The following ANKRD11 variants were observed in gnomAD, a reference collection of about 807,000 sequenced individuals.
ANKRD11 encodes the protein ankyrin repeat domain-containing protein 11.
In ANKRD11, 17 loss-of-function variants were observed where a neutral mutation model predicts 195.7. The observed-to-expected ratio is 0.09, with a 90% CI of 0.06 to 0.13. The LOEUF (loss-of-function observed/expected upper bound fraction) is 0.13, where lower values mean the gene tolerates loss of function less well. Ranked by LOEUF, ANKRD11 falls within the 10% of genes least tolerant of loss-of-function variation. ANKRD11 has a pLI of 1.00. For missense variants in ANKRD11, 3,735 were observed against 3,566.1 expected (o/e 1.05, Z -1.21); for synonymous variants, 1,953 against 1,528.1 (o/e 1.28, Z -6.49).
rs1437102196 is a variant in ANKRD11, at chr16:89,390,079, C to T, written c.-60+28205G>A. ...TCACTGGGGCGAACACCGAGTGTGG[C>T]GGGGAGCACAGACAGAGAAGATCAC... On this transcript the variant is annotated intron_variant, in intron 2 of 12. Transcript: ENST00000301030. Among the ~76,000 whole-genome samples the T allele has an allele frequency of 5.2e-5, 3 of 57,230 alleles. 1 individual carries two copies. The highest frequency in any genetic ancestry group is 4.3e-4 in the African/African-American group (3 of 6,944). The allele number at this position is 57,230 out of a possible 152,430, so 37.5% of individuals were successfully genotyped here.
At chr16:89,396,938 C>T (rs1426550634) in intron 2 of ANKRD11, among the ~76,000 whole-genome samples, 8 of 127,634 alleles carry the variant, frequency 6.3e-5, no homozygotes, top group South Asian at 2.6e-4. Context: ...CCAGCTGCCT[C>T]GGTTTCCCAG....
intron 1 of ANKRD11, among the ~76,000 whole-genome samples, chr16:89,454,821 AGGGTTCCTCAAGCTGCTCCCCTGGGTGT>A: frequency 1.4e-5 from 1 of 72,796 alleles, no homozygotes; most frequent in Non-Finnish European, 2.8e-5. Flanking sequence ...GGGTGCTTCC[AGGGTTCCTCAAGCTGCTCCCCTGGGTGT>A]TTCTAGGGTT....
chr16:89,415,058 C>A (rs138376304), intron 2 of ANKRD11, among the ~76,000 whole-genome samples: 4 of 151,890 alleles, frequency 2.6e-5, no homozygotes, highest in African/African-American at 9.7e-5. Flanking sequence ...GATCCTTCCT[C>A]CCCGCTCAGC....
At chr16:89,340,317 G>A (rs894870846) in intron 2 of ANKRD11, among the ~76,000 whole-genome samples, 3 of 152,184 alleles carry the variant, frequency 2.0e-5, no homozygotes, top group African/African-American at 4.8e-5. Context: ...TCGCTCTGTC[G>A]CCCAGGCTGA....
In ANKRD11 at chr16:89,441,767, C is replaced by CAAAAAAAAAAAAA. The variant is rs57747159; in HGVS notation, c.-144-23412_-144-23400dup. On this transcript the variant is annotated intron_variant, in intron 1 of 12. Transcript: ENST00000301030. The stretch of plus-strand genomic sequence containing the variant: ...GGGCAACAGAGCGAGACTCCGCCTA[C>CAAAAAAAAAAAAA]AAAAAAAAAAAAAAAAAAAAAAAAA... Among the ~76,000 whole-genome samples, 112 of 52,340 alleles carry CAAAAAAAAAAAAA rather than the reference C, an allele frequency of 2.1e-3. 4 individuals carry two copies. Among genetic ancestry groups the CAAAAAAAAAAAAA allele is most frequent in the Non-Finnish European group, 2.9e-3 (89 of 31,042 alleles). 34.3% of individuals were successfully genotyped at this position (52,340 alleles called of 152,430 possible).
intron 1 of ANKRD11, among the ~76,000 whole-genome samples, chr16:89,463,708 G>C (rs1403524749): frequency 6.6e-6 from 1 of 151,064 alleles, no homozygotes; most frequent in Non-Finnish European, 1.5e-5. Flanking sequence ...CCTCACACTG[G>C]ATAAGTGTTT....
intron 3 of ANKRD11, among the ~76,000 whole-genome samples, chr16:89,315,812 G>C (rs1452500943): frequency 1.3e-5 from 2 of 152,212 alleles, no homozygotes; most frequent in African/African-American, 4.8e-5. Flanking sequence ...TTGCTGCTGA[G>C]GGGAAGGCCG....
At chr16:89,441,627 TG>T (rs2043486372) in intron 1 of ANKRD11, among the ~76,000 whole-genome samples, 1 of 150,034 alleles carries the variant, frequency 6.7e-6, no homozygotes, top group African/African-American at 2.5e-5. Flanking sequence ...ATTAGCTGGG[TG>T]TGGTGGTGGG....
chr16:89,421,775 G>A (rs919041463), intron 1 of ANKRD11, among the ~76,000 whole-genome samples: 1 of 150,016 alleles, frequency 6.7e-6, no homozygotes, highest in African/African-American at 2.5e-5. Flanking sequence ...ACCATCACCC[G>A]TCCATGTCTG....
chr16:89,310,861 G>C (rs1427414717), intron 3 of ANKRD11, among the ~76,000 whole-genome samples: 1 of 152,222 alleles, frequency 6.6e-6, no homozygotes. Context: ...CAATGTCTGT[G>C]AATAAAGACA....
chr16:89,415,576 T>C (rs2042267539), intron 2 of ANKRD11, among the ~76,000 whole-genome samples: 1 of 151,638 alleles, frequency 6.6e-6, no homozygotes, highest in African/African-American at 2.4e-5. Flanking sequence ...CTATTCTTTT[T>C]TTAAACCCTG....
rs1329025812 is a variant in ANKRD11, at chr16:89,280,052, C to T, written c.6490G>A (p.Glu2164Lys). The change falls in exon 9 of 13, where the codon GAA becomes AAA. Residue 2164 changes from glutamate to lysine, a missense_variant. Physicochemically the swap from Glu to Lys is moderately conservative, Grantham distance 56. Coordinates refer to ENST00000301030, the MANE Select transcript of ANKRD11 (RefSeq NM_013275.6). ...CCGGGGGCCCCTGGAGGCATCTCTT[C>T]TGGAGGAGCAAGACTTTCTTCCACG... ...EPVEESLAPPEEMPPGAPGVI... is the reference protein window; with the variant it reads ...EPVEESLAPPKEMPPGAPGVI... 6.2e-7 allele frequency: 1 copy of T among 1,612,968 alleles called. No individual in the cohort carries two copies. Among genetic ancestry groups the T allele is most frequent in the Non-Finnish European group, 8.5e-7 (1 of 1,179,960 alleles).
chr16:89,296,653 G>GGCTGACCCCT (rs1289376564), intron 4 of ANKRD11, among the ~76,000 whole-genome samples: 2 of 152,208 alleles, frequency 1.3e-5, no homozygotes, highest in Non-Finnish European at 2.9e-5. Flanking sequence ...AGGTCCCTGG[G>GGCTGACCCCT]GCTGACCCCT....
At chr16:89,300,670 A>C (rs1028904239) in intron 4 of ANKRD11, 2 of 527,158 alleles carry the variant, frequency 3.8e-6, no homozygotes, top group Non-Finnish European at 3.3e-6. Flanking sequence ...CCGTCAGAAC[A>C]GCCGTCTCCT....
intron 11 of ANKRD11, among the ~76,000 whole-genome samples, chr16:89,273,357 T>C (rs1330594899): frequency 3.3e-5 from 5 of 152,196 alleles, no homozygotes; most frequent in Non-Finnish European, 4.4e-5. Context: ...TGCAAACTTA[T>C]CAGCATCCAG....
At chr16:89,484,877 C>A (rs1055246991) in intron 1 of ANKRD11, among the ~76,000 whole-genome samples, 10 of 152,054 alleles carry the variant, frequency 6.6e-5, no homozygotes, top group Non-Finnish European at 1.5e-4. Flanking sequence ...AAAAAAGAGC[C>A]CTACAGATTT....
At chr16:89,298,674 G>C (rs12600234) in intron 4 of ANKRD11, among the ~76,000 whole-genome samples, 4,060 of 152,278 alleles carry the variant, frequency 0.027, 295 homozygotes, top group East Asian at 0.26. Context: ...TGACAACATG[G>C]GCCTGGCTAC....
At chr16:89,454,759 T>G (rs1458829128) in intron 1 of ANKRD11, among the ~76,000 whole-genome samples, 1 of 112,506 alleles carries the variant, frequency 8.9e-6, no homozygotes, top group Non-Finnish European at 1.9e-5. Flanking sequence ...GCTTCTAGGG[T>G]TCCTCAAGCT....
chr16:89,484,302 A>T (rs2152378471), intron 1 of ANKRD11, among the ~76,000 whole-genome samples: 1 of 152,338 alleles, frequency 6.6e-6, no homozygotes, highest in East Asian at 1.9e-4. Context: ...TGATTTCTTA[A>T]GAGAAAAATA....
Sources: allele counts gnomAD v4.1 joint callset (sites outside exome capture counted in the v4.1 genomes callset), GRCh38; gene constraint gnomAD v4.1.1; transcripts MANE v1.5; gene names NCBI Gene and HGNC (gene_info 2026-07-23, HGNC 2026-07-21).